The following TUSC3 variants were observed in gnomAD, a reference collection of about 807,000 sequenced individuals.
The protein encoded by TUSC3 is dolichyl-diphosphooligosaccharide--protein glycosyltransferase subunit TUSC3.
Under a neutral mutation model 44.8 loss-of-function variants are expected in TUSC3, and 45 were observed. The ratio of observed to expected loss-of-function variants is 1.00; its 90% CI spans 0.79 to 1.29. The LOEUF (loss-of-function observed/expected upper bound fraction) is 1.29, where lower values mean the gene tolerates loss of function less well. Among genes scored for constraint, TUSC3 ranks in the 50% most tolerant of loss-of-function variants. The pLI is 0.00. For missense variants in TUSC3, 519 were observed against 437.9 expected (o/e 1.19, Z -1.65); for synonymous variants, 212 against 152.9 (o/e 1.39, Z -2.85).
At chr8:15,541,872 G>A (rs2129133076) in intron 1 of TUSC3, among the ~76,000 whole-genome samples, 1 of 151,832 alleles carries the variant, frequency 6.6e-6, no homozygotes, top group South Asian at 2.1e-4. Context: ...AAAGCAAAGG[G>A]CAATAAAAGA....
chr8:15,571,253 C>T (rs1005235368), intron 1 of TUSC3, among the ~76,000 whole-genome samples: 7 of 151,922 alleles, frequency 4.6e-5, no homozygotes, highest in Non-Finnish European at 7.4e-5. Flanking sequence ...TGCTACCCAC[C>T]GCTATTAATT....
intron 6 of TUSC3, among the ~76,000 whole-genome samples, chr8:15,729,057 A>G (rs1012329192): frequency 6.6e-6 from 1 of 152,190 alleles, no homozygotes; most frequent in Non-Finnish European, 1.5e-5. Context: ...TGTTACTGAA[A>G]ATAAACAGAA....
intron 1 of TUSC3, among the ~76,000 whole-genome samples, chr8:15,595,716 C>A (rs905986193): frequency 2.0e-4 from 31 of 152,086 alleles, no homozygotes; most frequent in African/African-American, 7.5e-4. Context: ...CATTTTTAAG[C>A]CTAGTGTAAT....
chr8:15,764,195 T>A lies in TUSC3; in HGVS notation c.*47-8T>A. 1 of 1,603,836 alleles carries A rather than the reference T, an allele frequency of 6.2e-7. No individual in the cohort carries two copies. Among genetic ancestry groups the A allele is most frequent in the East Asian group, 2.2e-5 (1 of 44,566 alleles). ...GTTCAGCACATAATAATTTTCTTTC[T>A]TTTTCAGCTTTTTAATTAAATGAAG... On this transcript the variant is annotated splice_polypyrimidine_tract_variant and splice_region_variant and intron_variant, in intron 10 of 10. Transcript: ENST00000503731.
intron 6 of TUSC3, among the ~76,000 whole-genome samples, chr8:15,714,935 C>G (rs1810000266): frequency 6.6e-6 from 1 of 152,052 alleles, no homozygotes; most frequent in South Asian, 2.1e-4. Flanking sequence ...TAATTTTAAA[C>G]TGGATTATTT....
At chr8:15,590,315 G>A (rs2129150000) in intron 1 of TUSC3, among the ~76,000 whole-genome samples, 1 of 152,180 alleles carries the variant, frequency 6.6e-6, no homozygotes, top group South Asian at 2.1e-4. Context: ...GCCAGTTAAT[G>A]GCAAAGACAG....
At chr8:15,586,124 T>C (rs1176173012) in intron 1 of TUSC3, among the ~76,000 whole-genome samples, 1 of 152,144 alleles carries the variant, frequency 6.6e-6, no homozygotes, top group Admixed American at 6.6e-5. Context: ...ATTATGTTCA[T>C]ATAAGGTCAA....
chr8:15,726,933 C>T (rs188143798), intron 6 of TUSC3, among the ~76,000 whole-genome samples: 1 of 152,300 alleles, frequency 6.6e-6, no homozygotes, highest in East Asian at 1.9e-4. Context: ...AAAGCCTGCA[C>T]ACATTTTTTT....
intron 8 of TUSC3, among the ~76,000 whole-genome samples, chr8:15,748,136 C>G (rs139087949): frequency 1.9e-4 from 29 of 152,088 alleles, no homozygotes; most frequent in African/African-American, 7.0e-4. Flanking sequence ...TTGTTGTTTT[C>G]ATACCACAAA....
At chr8:15,494,785 C>A (rs1238574586) in intron 2 of TUSC3, among the ~76,000 whole-genome samples, 1 of 152,164 alleles carries the variant, frequency 6.6e-6, no homozygotes, top group Non-Finnish European at 1.5e-5. Context: ...GACAATGCAG[C>A]CCTGCAACAA....
chr8:15,521,822 AG>A (rs1240932208), intron 2 of TUSC3, among the ~76,000 whole-genome samples: 1 of 152,184 alleles, frequency 6.6e-6, no homozygotes, highest in Non-Finnish European at 1.5e-5. Flanking sequence ...CTATTGGTCA[AG>A]GGTAGACCCA....
the TUSC3 span, among the ~76,000 whole-genome samples, chr8:15,849,121 A>C: frequency 6.6e-6 from 1 of 152,204 alleles, no homozygotes; most frequent in Non-Finnish European, 1.5e-5. Flanking sequence ...TAAAAAATCA[A>C]AGATACTACA....
chr8:15,669,160 A>G (rs1234238150), intron 5 of TUSC3, among the ~76,000 whole-genome samples: 1 of 151,810 alleles, frequency 6.6e-6, no homozygotes, highest in Non-Finnish European at 1.5e-5. Flanking sequence ...TAAGGTTGAC[A>G]ATATCAAGGA....
intron 2 of TUSC3, among the ~76,000 whole-genome samples, chr8:15,514,866 T>A (rs570265994): frequency 2.6e-5 from 4 of 152,286 alleles, no homozygotes; most frequent in African/African-American, 9.6e-5. Flanking sequence ...AGCCTCAGAT[T>A]CCTTATCAAT....
In TUSC3 at chr8:15,523,686, G is replaced by GTATATATATATA. The variant is rs1239992834; in HGVS notation, n.189+40204_189+40205insATATATATATAT. The stretch of plus-strand genomic sequence containing the variant: ...TATATGTGTGTGTGTGTGTGTGTGT[G>GTATATATATATA]TGTGTGTGTGTGTGTGTGTGTGTAT... On this transcript the variant is annotated intron_variant and non_coding_transcript_variant, in intron 2 of 5. Transcript: ENST00000503191. Among the ~76,000 whole-genome samples, 106 of 46,066 alleles carry GTATATATATATA rather than the reference G, an allele frequency of 2.3e-3. 1 individual carries two copies. The highest frequency in any genetic ancestry group is 4.4e-3 in the African/African-American group (45 of 10,234). 30.2% of individuals were successfully genotyped at this position (46,066 alleles called of 152,430 possible).
chr8:15,638,248 A>C (rs918700931), intron 2 of TUSC3, among the ~76,000 whole-genome samples: 1 of 149,142 alleles, frequency 6.7e-6, no homozygotes, highest in African/African-American at 2.5e-5. Flanking sequence ...TCTTGCATGG[A>C]TTACTGAAGT....
At chr8:15,709,305 TAA>T (rs1345130452) in intron 6 of TUSC3, among the ~76,000 whole-genome samples, 3 of 151,800 alleles carry the variant, frequency 2.0e-5, no homozygotes, top group Non-Finnish European at 1.5e-5. Flanking sequence ...TTTTAGAAAA[TAA>T]AAAAGATTGG....
At chr8:15,708,896 T>A (rs886983603) in intron 6 of TUSC3, among the ~76,000 whole-genome samples, 1 of 151,884 alleles carries the variant, frequency 6.6e-6, no homozygotes, top group Admixed American at 6.6e-5. Context: ...AAGATCTGTG[T>A]GGAGTTAGGT....
intron 1 of TUSC3, among the ~76,000 whole-genome samples, chr8:15,555,893 T>C (rs973831715): frequency 2.0e-5 from 3 of 151,654 alleles, no homozygotes; most frequent in Non-Finnish European, 4.4e-5. Context: ...TTTATAATAA[T>C]TTATAGTTCT....
Sources: gnomAD v4.1 joint callset for allele counts (sites outside exome capture counted in the v4.1 genomes callset) on GRCh38, gnomAD v4.1.1 for gene constraint, MANE v1.5 for transcripts, NCBI Gene and HGNC (gene_info 2026-07-23, HGNC 2026-07-21) for gene names.